SUB1: variants seen among roughly 807,000 people sequenced by gnomAD.
The protein encoded by SUB1 is SUB1 regulator of transcription.
Under a neutral mutation model 16.9 loss-of-function variants are expected in SUB1, and 1 was observed. That is an observed-to-expected ratio of 0.06 (90% confidence interval 0.02 to 0.28). The LOEUF (loss-of-function observed/expected upper bound fraction) is 0.28, where lower values mean the gene tolerates loss of function less well. Ranked by LOEUF, SUB1 falls within the 10% of genes least tolerant of loss-of-function variation. The probability of loss-of-function intolerance (pLI) is 1.00; values close to 1 mark genes in which losing one functional copy is unlikely to be tolerated. For synonymous variants in SUB1, 51 were observed against 46.9 expected (o/e 1.09, Z -0.36); for missense variants, 84 against 145.2 (o/e 0.58, Z 2.16).
rs1259459055 is a variant in SUB1 at position 32,601,292 on chromosome 5, C to T, written c.*208C>T. On this transcript the variant is annotated 3_prime_UTR_variant, in exon 5 of 5. Transcript: ENST00000265073. Reference sequence around the variant, plus strand: ...CTTTATTAAGGATTACTTTGTCTGCCCACCACCTAGTGTAAAATAAAATCA... The same window carrying T: ...CTTTATTAAGGATTACTTTGTCTGCTCACCACCTAGTGTAAAATAAAATCA... 2 of 503,884 alleles carry T rather than the reference C, an allele frequency of 4.0e-6. No homozygotes were observed. The highest frequency in any genetic ancestry group is 4.0e-5 in the African/African-American group (2 of 50,206). 31.2% of individuals were successfully genotyped at this position (503,884 alleles called of 1,614,324 possible). A position where few individuals can be genotyped will look rare whatever the true frequency, so the allele number is the denominator to read the frequency against.
intron 1 of SUB1, among the ~76,000 whole-genome samples, chr5:32,587,934 C>G (rs1163016123): frequency 6.6e-6 from 1 of 152,062 alleles, no homozygotes; most frequent in Admixed American, 6.6e-5. Flanking sequence ...TTTGTGTACT[C>G]TTGAATTAGT....
Position 32,602,278 on chromosome 5 carries a change from G to A in SUB1, c.*1194G>A, listed in dbSNP as rs1579521358. ...GCCTTAGGAAAAGAATGTTTATAAAGGGAATTATAACTGAAATTAAAGGAG... is the reference window on the plus strand; with the variant it reads ...GCCTTAGGAAAAGAATGTTTATAAAAGGAATTATAACTGAAATTAAAGGAG... On this transcript the variant is annotated 3_prime_UTR_variant, in exon 5 of 5. Coordinates refer to ENST00000265073, the MANE Select transcript of SUB1 (RefSeq NM_006713.4). The A allele has an allele frequency of 2.2e-6, 1 of 451,716 alleles. No homozygotes were observed. Among genetic ancestry groups the A allele is most frequent in the Middle Eastern group, 4.6e-4 (1 of 2,168 alleles). The allele number at this position is 451,716 out of a possible 1,614,324, so 28.0% of individuals were successfully genotyped here.
rs186749563 is a variant in SUB1, at chr5:32,602,070, T to G, written c.*986T>G. ...TGGTTAGTTTGTAGGGAAAAGAGCA[T>G]ATGAGCACATGCTTGTGTATTTTGG... On this transcript the variant is annotated 3_prime_UTR_variant, in exon 5 of 5. Transcript: ENST00000265073. The G allele has an allele frequency of 3.3e-6, 1 of 303,220 alleles. No individual in the cohort carries two copies. The highest frequency in any genetic ancestry group is 9.0e-5 in the East Asian group (1 of 11,096). 18.8% of individuals were successfully genotyped at this position (303,220 alleles called of 1,614,324 possible). A position where few individuals can be genotyped will look rare whatever the true frequency, so the allele number is the denominator to read the frequency against.
At chr5:32,586,568 ACTT>A (rs758122685) in intron 1 of SUB1, 2 of 151,818 alleles carry the variant, frequency 1.3e-5, no homozygotes, top group Non-Finnish European at 2.9e-5. Flanking sequence ...TCTCCAGTGG[ACTT>A]CTTTGGGTTG....
chr5:32,593,813 T>A (rs985790841), intron 3 of SUB1, among the ~76,000 whole-genome samples: 2 of 151,774 alleles, frequency 1.3e-5, no homozygotes, highest in African/African-American at 4.8e-5. Flanking sequence ...CCTGCCTCAG[T>A]CTCCTGAGTA....
intron 4 of SUB1, 63 bp downstream of exon 4, chr5:32,599,132 GCTTA>G: frequency 8.2e-7 from 1 of 1,226,772 alleles, no homozygotes; most frequent in Non-Finnish European, 1.2e-6. Flanking sequence ...TTTCTGAGTA[GCTTA>G]CTTGAAATGT....
At position 32,602,794 on chromosome 5, in the gene SUB1, G is replaced by C. The variant is rs1269359565; in HGVS notation, c.*1710G>C. 6.6e-6 allele frequency: 1 copy of C among 152,368 alleles called. No individual in the cohort carries two copies. The highest frequency in any genetic ancestry group is 2.4e-5 in the African/African-American group (1 of 41,430). The allele number at this position is 152,368 out of a possible 1,614,324, so 9.4% of individuals were successfully genotyped here. A position where few individuals can be genotyped will look rare whatever the true frequency, so the allele number is the denominator to read the frequency against. On this transcript the variant is annotated 3_prime_UTR_variant, in exon 5 of 5. Coordinates refer to ENST00000265073, the MANE Select transcript of SUB1 (RefSeq NM_006713.4). ...GTATTTTTTGCAGCCCCTTGAACCA[G>C]AGTAGGTTCAGAGAAACTCCCAAAG...
At chr5:32,589,120 ACT>A (rs1303764414) in intron 2 of SUB1, among the ~76,000 whole-genome samples, 1 of 151,614 alleles carries the variant, frequency 6.6e-6, no homozygotes, top group Non-Finnish European at 1.5e-5. Flanking sequence ...ACAGGGTCTT[ACT>A]CTCTTGCCGA....
At chr5:32,588,446 G>T (rs967656904) in intron 1 of SUB1, 66 bp from the exon 2 acceptor site, 17 of 1,403,292 alleles carry the variant, frequency 1.2e-5, no homozygotes, top group Middle Eastern at 2.6e-4. Flanking sequence ...CTTTGATTGG[G>T]GGAGAGCTAA....
At chr5:32,600,675 C>T (rs1037555731) in intron 4 of SUB1, among the ~76,000 whole-genome samples, 1 of 151,188 alleles carries the variant, frequency 6.6e-6, no homozygotes, top group African/African-American at 2.4e-5. Flanking sequence ...ATGATCTTGG[C>T]TCACTGTAAC....
chr5:32,586,783 C>T (rs368526599), intron 1 of SUB1, among the ~76,000 whole-genome samples: 1 of 152,204 alleles, frequency 6.6e-6, no homozygotes, highest in Non-Finnish European at 1.5e-5. Flanking sequence ...GGAGCAGAAA[C>T]AGGAAAAACG....
At position 32,590,762 on chromosome 5, in the gene SUB1, ATTTTTTTTTTTT is replaced by A. The variant is rs70961652; in HGVS notation, c.73-789_73-778del. ...AGGCGTGTGCCACCACGCCTGGCTA[ATTTTTTTTTTTT>A]TTTTTTTTTTTGAGATGGAGTATCG... On this transcript the variant is annotated intron_variant, in intron 2 of 4. Transcript: ENST00000265073. 1.5e-4 allele frequency among the ~76,000 whole-genome samples: 5 copies of A among 33,960 alleles called. 1 individual carries two copies. The highest frequency in any genetic ancestry group is 2.7e-4 in the Non-Finnish European group (5 of 18,662). The allele number at this position is 33,960 out of a possible 152,430, so 22.3% of individuals were successfully genotyped here.
intron 3 of SUB1, chr5:32,596,144 A>G (rs560791940): frequency 6.6e-5 from 10 of 152,324 alleles, no homozygotes; most frequent in Non-Finnish European, 1.0e-4. Flanking sequence ...GAGAGAATCA[A>G]ACAGACAGAA....
At chr5:32,588,453 C>A in intron 1 of SUB1, 59 bp from the exon 2 acceptor site, 2 of 1,455,938 alleles carry the variant, frequency 1.4e-6, no homozygotes, top group Non-Finnish European at 9.4e-7. Flanking sequence ...TGGGGGAGAG[C>A]TAAGTTGAAA....
At position 32,603,613 on chromosome 5, in the gene SUB1, C is replaced by T. The variant is rs766334647; in HGVS notation, c.*2529C>T. The T allele has an allele frequency of 2.0e-5, 3 of 152,174 alleles. No individual in the cohort carries two copies. Among genetic ancestry groups the T allele is most frequent in the Non-Finnish European group, 4.4e-5 (3 of 68,014 alleles). The allele number at this position is 152,174 out of a possible 1,614,324, so 9.4% of individuals were successfully genotyped here. A position where few individuals can be genotyped will look rare whatever the true frequency, so the allele number is the denominator to read the frequency against. On this transcript the variant is annotated 3_prime_UTR_variant, in exon 5 of 5. Coordinates refer to ENST00000265073, the MANE Select transcript of SUB1 (RefSeq NM_006713.4). ...ATTAATGCCTAAGAACTTAAGAATACTCCTACCTCATTAGCTACTCAAGAT... is the reference window on the plus strand; with the variant it reads ...ATTAATGCCTAAGAACTTAAGAATATTCCTACCTCATTAGCTACTCAAGAT...
chr5:32,590,762 A>ATTTTTTTTTTTTTTTTTTTTTTTTT (rs70961652), intron 2 of SUB1, among the ~76,000 whole-genome samples: 1 of 33,978 alleles, frequency 2.9e-5, no homozygotes, highest in Non-Finnish European at 5.4e-5. Context: ...CGCCTGGCTA[A>ATTTTTTTTTTTTTTTTTTTTTTTTT]TTTTTTTTTT....
chr5:32,600,874 G>A, intron 4 of SUB1, 131 bp from the exon 5 acceptor site: 1 of 712,400 alleles, frequency 1.4e-6, no homozygotes, highest in Admixed American at 2.5e-5. Flanking sequence ...CAAAGTGCTG[G>A]GATTACAGGT....
intron 1 of SUB1, among the ~76,000 whole-genome samples, chr5:32,588,234 A>G (rs549311089): frequency 8.4e-4 from 128 of 152,356 alleles, no homozygotes; most frequent in Admixed American, 1.2e-3. Flanking sequence ...AACGAAGTAT[A>G]GAAAGATCCA....
intron 2 of SUB1, among the ~76,000 whole-genome samples, chr5:32,590,054 G>T (rs1314361366): frequency 1.3e-5 from 2 of 152,142 alleles, no homozygotes; most frequent in South Asian, 2.1e-4. Flanking sequence ...TGAGTATGTT[G>T]ATGTAACACA....
Sources: gnomAD v4.1 joint callset for allele counts (sites outside exome capture counted in the v4.1 genomes callset) on GRCh38, gnomAD v4.1.1 for gene constraint, MANE v1.5 for transcripts, NCBI Gene and HGNC (gene_info 2026-07-23, HGNC 2026-07-21) for gene names.